Variants in MAGI2 observed in about 807,000 individuals in gnomAD.
MAGI2 encodes membrane-associated guanylate kinase, WW and PDZ domain-containing protein 2.
A neutral mutation model predicts 133.3 loss-of-function variants in MAGI2; 35 were observed. That is an observed-to-expected ratio of 0.26 (90% confidence interval 0.20 to 0.35). The LOEUF is 0.35. Ranked by LOEUF, MAGI2 falls within the 10% of genes least tolerant of loss-of-function variation. The pLI, the probability that MAGI2 is intolerant of heterozygous loss-of-function variation, is 1.00. For missense variants in MAGI2, 1,636 were observed against 1,863.4 expected (o/e 0.88, Z 2.25); for synonymous variants, 729 against 710.6 (o/e 1.03, Z -0.41).
At chr7:78,743,877 T>C (rs536429614) in intron 2 of MAGI2, among the ~76,000 whole-genome samples, 1 of 152,294 alleles carries the variant, frequency 6.6e-6, no homozygotes, top group African/African-American at 2.4e-5. Context: ...CCATTTTTTT[T>C]CCTTCTGTCT....
chr7:79,028,322 TATATACATATATATACACAC>T (rs1562805708), intron 1 of MAGI2, among the ~76,000 whole-genome samples: 1 of 28,494 alleles, frequency 3.5e-5, no homozygotes, highest in African/African-American at 9.8e-5. Flanking sequence ...TACACACATA[TATATACATATATATACACAC>T]ACACACACAC....
At chr7:78,668,165 G>A (rs1213826798) in intron 2 of MAGI2, among the ~76,000 whole-genome samples, 1 of 152,008 alleles carries the variant, frequency 6.6e-6, no homozygotes, top group Non-Finnish European at 1.5e-5. Flanking sequence ...ATTTTTTCAC[G>A]TGTTTTTTGG....
At chr7:78,138,603 C>A (rs1822405071) in intron 16 of MAGI2, among the ~76,000 whole-genome samples, 1 of 143,870 alleles carries the variant, frequency 7.0e-6, no homozygotes. Context: ...GCATAAAATC[C>A]CAAATGTTTC....
rs544172383 is a variant in MAGI2 at position 79,330,180 on chromosome 7, C to CTTTTTT, written c.301+122834_301+122839dup. On this transcript the variant is annotated intron_variant, in intron 1 of 21. Transcript: ENST00000354212. The stretch of plus-strand genomic sequence containing the variant: ...CACATCAGTAACAAACAATCTGCAT[C>CTTTTTT]TTTTTTTTTTTTTTTTTTTTTTTTT... 9.4e-3 allele frequency among the ~76,000 whole-genome samples: 556 copies of CTTTTTT among 59,150 alleles called. 62 individuals carry two copies. The highest frequency in any genetic ancestry group is 0.062 in the East Asian group (104 of 1,676). 38.8% of individuals were successfully genotyped at this position (59,150 alleles called of 152,430 possible).
chr7:78,314,907 C>T (rs766318230), intron 9 of MAGI2, among the ~76,000 whole-genome samples: 8 of 152,100 alleles, frequency 5.3e-5, no homozygotes, highest in Admixed American at 6.6e-5. Context: ...GGATAGGACA[C>T]GGATATCAGA....
intron 2 of MAGI2, among the ~76,000 whole-genome samples, chr7:78,683,721 C>T (rs1815949718): frequency 6.6e-6 from 1 of 152,138 alleles, no homozygotes; most frequent in Non-Finnish European, 1.5e-5. Context: ...ATTATAATTC[C>T]ATATCCTGTC....
intron 9 of MAGI2, among the ~76,000 whole-genome samples, chr7:78,339,106 A>G (rs1790083889): frequency 6.6e-6 from 1 of 152,242 alleles, no homozygotes; most frequent in Non-Finnish European, 1.5e-5. Context: ...TTACGTGTTT[A>G]TGGGCCTGTG....
At chr7:78,187,476 T>C (rs1480415047) in intron 12 of MAGI2, among the ~76,000 whole-genome samples, 1 of 152,146 alleles carries the variant, frequency 6.6e-6, no homozygotes, top group Non-Finnish European at 1.5e-5. Flanking sequence ...AGTTGTACCA[T>C]ATAAGGCTCA....
chr7:78,137,440 A>C (rs1822273160), intron 16 of MAGI2, among the ~76,000 whole-genome samples: 1 of 152,234 alleles, frequency 6.6e-6, no homozygotes, highest in South Asian at 2.1e-4. Context: ...ATTAACTGTC[A>C]TTCTTTTTAT....
chr7:79,352,821 G>T (rs1178367223), intron 1 of MAGI2, among the ~76,000 whole-genome samples: 1 of 152,116 alleles, frequency 6.6e-6, no homozygotes, highest in Non-Finnish European at 1.5e-5. Flanking sequence ...TACCAAGAGT[G>T]CCTCATGCTA....
chr7:78,566,191 T>G (rs1349551989), intron 3 of MAGI2, among the ~76,000 whole-genome samples: 8 of 151,754 alleles, frequency 5.3e-5, no homozygotes, highest in Non-Finnish European at 7.4e-5. Context: ...AGGCATGGAG[T>G]TGGGAAAGCT....
chr7:78,083,685 T>C (rs1816308490), intron 20 of MAGI2, among the ~76,000 whole-genome samples: 1 of 152,250 alleles, frequency 6.6e-6, no homozygotes, highest in Non-Finnish European at 1.5e-5. Flanking sequence ...GGTCCCCGCC[T>C]AGTAAGTTCT....
At chr7:78,652,362 C>T (rs1563299636) in intron 2 of MAGI2, among the ~76,000 whole-genome samples, 1 of 152,102 alleles carries the variant, frequency 6.6e-6, no homozygotes, top group Admixed American at 6.6e-5. Context: ...AGGGTCGCTA[C>T]CTGACTTCAA....
intron 6 of MAGI2, among the ~76,000 whole-genome samples, chr7:78,438,283 A>AT (rs1193897933): frequency 6.6e-6 from 1 of 151,878 alleles, no homozygotes; most frequent in African/African-American, 2.4e-5. Context: ...CAAAAAAAAA[A>AT]AATCCTGAGC....
At chr7:78,871,515 T>C (rs1228919541) in intron 2 of MAGI2, among the ~76,000 whole-genome samples, 2 of 152,084 alleles carry the variant, frequency 1.3e-5, no homozygotes, top group Non-Finnish European at 2.9e-5. Flanking sequence ...ATAGTGATAG[T>C]AATTTAAATG....
At chr7:78,618,972 A>G (rs1807411806) in intron 3 of MAGI2, 1 of 140,478 alleles carries the variant, frequency 7.1e-6, no homozygotes, top group Non-Finnish European at 1.5e-5. Context: ...CATGGTGACT[A>G]TAGTCATCAT....
chr7:78,333,048 T>A (rs1789393154), intron 9 of MAGI2, among the ~76,000 whole-genome samples: 1 of 152,254 alleles, frequency 6.6e-6, no homozygotes, highest in Non-Finnish European at 1.5e-5. Context: ...CATGGCAGTT[T>A]TAGAAAATTA....
At chr7:78,250,930 A>G (rs2150936391) in intron 10 of MAGI2, among the ~76,000 whole-genome samples, 1 of 152,212 alleles carries the variant, frequency 6.6e-6, no homozygotes, top group East Asian at 1.9e-4. Context: ...GAAATATATC[A>G]CATGAAAAGA....
intron 2 of MAGI2, among the ~76,000 whole-genome samples, chr7:78,845,484 A>T (rs1792512512): frequency 6.6e-6 from 1 of 151,882 alleles, no homozygotes; most frequent in South Asian, 2.1e-4. Context: ...ATACGAAGTT[A>T]TTTCAGTTTC....
Sources: gnomAD v4.1 joint callset for allele counts (sites outside exome capture counted in the v4.1 genomes callset) on GRCh38, gnomAD v4.1.1 for gene constraint, MANE v1.5 for transcripts, NCBI Gene and HGNC (gene_info 2026-07-23, HGNC 2026-07-21) for gene names.